IFFO2: variants seen among roughly 807,000 people sequenced by gnomAD.
IFFO2 encodes the protein intermediate filament family orphan 2.
In IFFO2, 19 loss-of-function variants were observed where a neutral mutation model predicts 53.5. The observed-to-expected ratio is 0.36, with a 90% CI of 0.25 to 0.52. The LOEUF (loss-of-function observed/expected upper bound fraction) is 0.52, where lower values mean the gene tolerates loss of function less well. IFFO2 is among the 20% of genes least tolerant of loss of function. The pLI, the probability that IFFO2 is intolerant of heterozygous loss-of-function variation, is 0.94. For synonymous variants in IFFO2, 303 were observed against 313.6 expected, an observed-to-expected ratio of 0.97 and a Z score of 0.36; for missense variants, 570 against 727.4, an observed-to-expected ratio of 0.78 and a Z score of 2.49.
chr1:18,920,580 G>C (rs771766291), intron 2 of IFFO2, among the ~76,000 whole-genome samples: 2 of 152,232 alleles, frequency 1.3e-5, no homozygotes, highest in African/African-American at 4.8e-5. Context: ...ATTCCAGCTA[G>C]AGCAGCAAGG....
intron 5 of IFFO2, among the ~76,000 whole-genome samples, chr1:18,915,115 G>A (rs924268521): frequency 3.3e-5 from 5 of 152,170 alleles, no homozygotes; most frequent in South Asian, 2.1e-4. Context: ...CAGGCATGGC[G>A]TGGGGGACAA....
Position 18,917,074 on chromosome 1 carries a change from G to A in IFFO2, c.964-32C>T. 6.5e-7 allele frequency: 1 copy of A among 1,550,128 alleles called. No homozygotes were observed. On this transcript the variant is annotated intron_variant, in intron 4 of 8. Transcript: ENST00000455833. This position sits in a 1 kb window ranked among gnomAD's most constrained non-coding sequence, Gnocchi z 5.9. Reference sequence around the variant, plus strand: ...CGGAAAGGAAGCAATCAAGGTAACTGGGGGGCTCGGCTAGGATGGAAGGTA... The same window carrying A: ...CGGAAAGGAAGCAATCAAGGTAACTAGGGGGCTCGGCTAGGATGGAAGGTA...
chr1:18,922,274 C>T (rs1033282938), intron 1 of IFFO2, among the ~76,000 whole-genome samples: 15 of 152,130 alleles, frequency 9.9e-5, no homozygotes, highest in African/African-American at 3.6e-4. Context: ...AAGCTGGGGG[C>T]AGGTTCTTTC....
At chr1:18,923,810 A>G (rs1352769483) in intron 1 of IFFO2, among the ~76,000 whole-genome samples, 1 of 152,156 alleles carries the variant, frequency 6.6e-6, no homozygotes, top group East Asian at 1.9e-4. Flanking sequence ...ACAGCTCCCC[A>G]GTGATGCTGG....
intron 1 of IFFO2, among the ~76,000 whole-genome samples, chr1:18,926,776 G>A (rs995275040): frequency 2.0e-5 from 3 of 150,248 alleles, no homozygotes; most frequent in Non-Finnish European, 4.4e-5. Context: ...GAAAGGGACC[G>A]ACAAGCCTGC....
In IFFO2 at chr1:18,904,696, C is replaced by T. The variant is rs1369027362; in HGVS notation, c.*3865G>A. 1 of 152,244 alleles carries T rather than the reference C, an allele frequency of 6.6e-6. No homozygotes were observed. Among genetic ancestry groups the T allele is most frequent in the Non-Finnish European group, 1.5e-5 (1 of 68,118 alleles). The allele number at this position is 152,244 out of a possible 1,614,324, so 9.4% of individuals were successfully genotyped here. A position where few individuals can be genotyped will look rare whatever the true frequency, so the allele number is the denominator to read the frequency against. On this transcript the variant is annotated 3_prime_UTR_variant, in exon 9 of 9. Coordinates refer to ENST00000455833, the MANE Select transcript of IFFO2 (RefSeq NM_001136265.2). ...GAGAATCTGGCTTTACCTGCACCCA[C>T]CCAGTCCCCTCCAGACTCCCCACTC...
chr1:18,906,315 C>T lies in IFFO2; in HGVS notation c.*2246G>A, dbSNP rs575483117. Reference sequence around the variant, plus strand: ...AGGAGGAAAGTAAAAATAATACCGCCGGACACCGATAACCACAGTAACCTT... The same window carrying T: ...AGGAGGAAAGTAAAAATAATACCGCTGGACACCGATAACCACAGTAACCTT... On this transcript the variant is annotated 3_prime_UTR_variant, in exon 9 of 9. Coordinates refer to ENST00000455833, the MANE Select transcript of IFFO2 (RefSeq NM_001136265.2). 12 of 152,314 alleles carry T rather than the reference C, an allele frequency of 7.9e-5. No individual in the cohort carries two copies. The highest frequency in any genetic ancestry group is 2.6e-4 in the African/African-American group (11 of 41,564). 9.4% of individuals were successfully genotyped at this position (152,314 alleles called of 1,614,324 possible).
chr1:18,955,975 C>T lies in IFFO2; in HGVS notation c.358G>A (p.Gly120Ser), dbSNP rs1936720576. Residue 120 changes from glycine to serine, a missense_variant, in exon 1 of 9, where the codon GGC (glycine) becomes AGC (serine). Transcript: ENST00000455833. ...GPELLRPPAP[G>S]GGHGLSSGAA... ...CCACTGCTGAGGCCGTGCCCGCCGC[C>T]GGGCGCCGGGGGCCGCAGCAACTCG... 7.5e-6 allele frequency: 10 copies of T among 1,327,694 alleles called. No homozygotes were observed. The East Asian group carries it at 1.7e-4, about 23-fold the overall frequency. The allele number at this position is 1,327,694 out of a possible 1,614,324, so 82.2% of individuals were successfully genotyped here.
rs71577809 is a variant in IFFO2, at chr1:18,946,409, C to CTTT, written c.665+9256_665+9258dup. Among the ~76,000 whole-genome samples, 270 of 96,492 alleles carry CTTT rather than the reference C, an allele frequency of 2.8e-3. 1 individual carries two copies. The highest frequency in any genetic ancestry group is 3.6e-3 in the Non-Finnish European group (176 of 48,666). 63.3% of individuals were successfully genotyped at this position (96,492 alleles called of 152,430 possible). A position where few individuals can be genotyped will look rare whatever the true frequency, so the allele number is the denominator to read the frequency against. On this transcript the variant is annotated intron_variant, in intron 1 of 8. Transcript: ENST00000455833. ...CGGTCAGATCTGGGCTTGCCACTTTCTTTTTTTTTTTTTTTTTTTTTTTGA... is the reference window on the plus strand; with the variant it reads ...CGGTCAGATCTGGGCTTGCCACTTTCTTTTTTTTTTTTTTTTTTTTTTTTTTGA...
At chr1:18,934,201 G>A (rs1936416714) in intron 1 of IFFO2, among the ~76,000 whole-genome samples, 1 of 151,208 alleles carries the variant, frequency 6.6e-6, no homozygotes, top group South Asian at 2.1e-4. Context: ...TGGAGCAGCT[G>A]GGACTATAGG....
intron 1 of IFFO2, among the ~76,000 whole-genome samples, chr1:18,929,414 G>A (rs1936343307): frequency 6.6e-6 from 1 of 152,338 alleles, no homozygotes; most frequent in South Asian, 2.1e-4. Flanking sequence ...TCTCCAACCT[G>A]TCCTGGCCCT....
At position 18,918,131 on chromosome 1, in the gene IFFO2, G is replaced by T. The variant is rs543276266; in HGVS notation, c.963+231C>A. ...GTGAGCACAGCACATCACCCTCTGG[G>T]CCTCGGTCTCCCCAGCCATAGGATG... On this transcript the variant is annotated intron_variant, in intron 4 of 8. Coordinates refer to ENST00000455833, the MANE Select transcript of IFFO2 (RefSeq NM_001136265.2). This position sits in a 1 kb window ranked among gnomAD's most constrained non-coding sequence, Gnocchi z 5.2. Among the ~76,000 whole-genome samples the T allele has an allele frequency of 6.6e-6, 1 of 152,200 alleles. No individual in the cohort carries two copies. Among genetic ancestry groups the T allele is most frequent in the Non-Finnish European group, 1.5e-5 (1 of 68,028 alleles).
rs1197209524 is a variant in IFFO2 at position 18,934,007 on chromosome 1, TAGAATC to T, written c.666-12892_666-12887del. Among the ~76,000 whole-genome samples the T allele has an allele frequency of 3.4e-5, 5 of 148,564 alleles. No homozygotes were observed. The East Asian group carries it at 1.0e-3, about 31-fold the overall frequency. On this transcript the variant is annotated intron_variant, in intron 1 of 8. Transcript: ENST00000455833. ...TCGACTTCTGGGTACTTTGTATAAA[TAGAATC>T]AGATAGTATCTGTCCTTCTGTGAAT...
chr1:18,955,812 C>T lies in IFFO2; in HGVS notation c.521G>A (p.Gly174Asp). 6.6e-7 allele frequency: 1 copy of T among 1,521,812 alleles called. No individual in the cohort carries two copies. The highest frequency in any genetic ancestry group is 8.8e-7 in the Non-Finnish European group (1 of 1,141,526). The allele number at this position is 1,521,812 out of a possible 1,614,324, so 94.3% of individuals were successfully genotyped here. A position where few individuals can be genotyped will look rare whatever the true frequency, so the allele number is the denominator to read the frequency against. Residue 174 changes from glycine to aspartate, a missense_variant, in exon 1 of 9, where the codon GGC becomes GAC. Gly to Asp is a moderately conservative substitution (Grantham distance 94, BLOSUM62 -1). Coordinates refer to ENST00000455833, the MANE Select transcript of IFFO2 (RefSeq NM_001136265.2). ...GCCGGGGCCCTGCACGGTCTCCACGCCGCCGCCGCCCGTGCGCCGCACCTG... is the reference window on the plus strand; with the variant it reads ...GCCGGGGCCCTGCACGGTCTCCACGTCGCCGCCGCCCGTGCGCCGCACCTG... Reference protein sequence around the residue: ...YTQVRRTGGGGVETVQGPGVS... With the variant: ...YTQVRRTGGGDVETVQGPGVS...
At chr1:18,943,842 C>T (rs748009436) in intron 1 of IFFO2, among the ~76,000 whole-genome samples, 4 of 152,194 alleles carry the variant, frequency 2.6e-5, no homozygotes, top group Admixed American at 1.3e-4. Context: ...TCATCCACAG[C>T]GCCAGGGACC....
At chr1:18,935,460 C>A (rs917744485) in intron 1 of IFFO2, among the ~76,000 whole-genome samples, 1 of 152,074 alleles carries the variant, frequency 6.6e-6, no homozygotes, top group Non-Finnish European at 1.5e-5. Context: ...GGGCTGCATT[C>A]TCTGCCCAAC....
At chr1:18,945,234 C>T (rs996845618) in intron 1 of IFFO2, among the ~76,000 whole-genome samples, 1 of 152,136 alleles carries the variant, frequency 6.6e-6, no homozygotes, top group Non-Finnish European at 1.5e-5. Flanking sequence ...AGGGTCTCAC[C>T]AGTGTCCCAC....
At chr1:18,911,084 C>T (rs992947359) in intron 7 of IFFO2, among the ~76,000 whole-genome samples, 2 of 152,244 alleles carry the variant, frequency 1.3e-5, no homozygotes, top group African/African-American at 4.8e-5. Context: ...ATACTCAGCA[C>T]CTTGTGTCAC....
intron 5 of IFFO2, 97 bp from the exon 6 acceptor site, chr1:18,912,180 G>A: frequency 6.9e-7 from 1 of 1,442,576 alleles, no homozygotes; most frequent in Non-Finnish European, 9.4e-7. Context: ...CAGGTACACA[G>A]CTTCAAGGCT....
Sources: gnomAD v4.1 joint callset for allele counts (sites outside exome capture counted in the v4.1 genomes callset) on GRCh38, gnomAD v4.1.1 for gene constraint, Gnocchi (gnomAD v3.1) non-coding constraint, MANE v1.5 for transcripts, NCBI Gene and HGNC (gene_info 2026-07-23, HGNC 2026-07-21) for gene names.